The following GPC6 variants were observed in gnomAD, a reference collection of about 807,000 sequenced individuals.
GPC6 encodes the protein glypican-6.
GPC6 carries 14 observed loss-of-function variants against 55.2 expected under a neutral mutation model. The ratio of observed to expected loss-of-function variants is 0.25; its 90% CI spans 0.17 to 0.40. The LOEUF (loss-of-function observed/expected upper bound fraction) is 0.40. GPC6 is among the 10% of genes least tolerant of loss of function. The pLI is 1.00. For missense variants in GPC6, 641 were observed against 708.5 expected (o/e 0.90, Z 1.08); for synonymous variants, 278 against 259.6 (o/e 1.07, Z -0.68).
At chr13:94,296,528 A>G (rs1875343106) in intron 5 of GPC6, among the ~76,000 whole-genome samples, 1 of 152,232 alleles carries the variant, frequency 6.6e-6, no homozygotes, top group South Asian at 2.1e-4. Context: ...GTATTGTGTT[A>G]GAGAAATTTC....
At chr13:93,373,633 A>T (rs1225297640) in intron 1 of GPC6, among the ~76,000 whole-genome samples, 2 of 152,196 alleles carry the variant, frequency 1.3e-5, no homozygotes, top group African/African-American at 2.4e-5. Context: ...TAAAGCAAAA[A>T]ATATAGGTCA....
At chr13:93,837,580 A>C (rs1209913265) in intron 3 of GPC6, among the ~76,000 whole-genome samples, 1 of 152,252 alleles carries the variant, frequency 6.6e-6, no homozygotes. Flanking sequence ...TTCCTGAGAC[A>C]TGAAGACTAA....
chr13:93,770,021 T>C (rs1464921512), intron 2 of GPC6, among the ~76,000 whole-genome samples: 2 of 152,174 alleles, frequency 1.3e-5, no homozygotes, highest in African/African-American at 2.4e-5. Flanking sequence ...AGCTGTGTGC[T>C]AAAGCCTGAA....
At chr13:93,270,268 G>A (rs1217374695) in intron 1 of GPC6, among the ~76,000 whole-genome samples, 1 of 136,326 alleles carries the variant, frequency 7.3e-6, no homozygotes, top group Non-Finnish European at 1.6e-5. Flanking sequence ...AAAAAAAAAG[G>A]CCCCACATCA....
intron 5 of GPC6, among the ~76,000 whole-genome samples, chr13:94,302,228 G>GCTTCC (rs1347910618): frequency 6.6e-6 from 1 of 152,202 alleles, no homozygotes; most frequent in Non-Finnish European, 1.5e-5. Context: ...ATTTCTGGAG[G>GCTTCC]CTGGGAAGTC....
At chr13:94,002,830 A>G (rs529602562) in intron 3 of GPC6, among the ~76,000 whole-genome samples, 9 of 152,284 alleles carry the variant, frequency 5.9e-5, no homozygotes, top group African/African-American at 2.2e-4. Context: ...AGTTATCTCA[A>G]TTGAGTTGAA....
At chr13:93,941,699 C>G (rs937597717) in intron 3 of GPC6, among the ~76,000 whole-genome samples, 1 of 152,080 alleles carries the variant, frequency 6.6e-6, no homozygotes, top group Non-Finnish European at 1.5e-5. Context: ...AGATGATATG[C>G]CAATCATCCC....
intron 1 of GPC6, among the ~76,000 whole-genome samples, chr13:93,305,184 C>CTA (rs1158831016): frequency 6.6e-6 from 1 of 152,170 alleles, no homozygotes. Context: ...AGAGTCCTCT[C>CTA]TATCTGGCCT....
At chr13:94,015,785 G>A (rs1005755063) in intron 3 of GPC6, among the ~76,000 whole-genome samples, 7 of 152,146 alleles carry the variant, frequency 4.6e-5, no homozygotes, top group African/African-American at 9.6e-5. Context: ...GTCTTTGCAC[G>A]CTTGTTGAAA....
chr13:94,000,195 T>C (rs879623325), intron 3 of GPC6, among the ~76,000 whole-genome samples: 3 of 152,212 alleles, frequency 2.0e-5, no homozygotes, highest in Non-Finnish European at 4.4e-5. Context: ...ATGTAGATAG[T>C]ACGTTCCATG....
chr13:93,448,600 A>G (rs1878099197), intron 1 of GPC6, among the ~76,000 whole-genome samples: 1 of 152,214 alleles, frequency 6.6e-6, no homozygotes. Flanking sequence ...TACTAATTAA[A>G]TAAGAATATA....
chr13:93,883,299 C>T (rs1875107638), intron 3 of GPC6, among the ~76,000 whole-genome samples: 1 of 151,824 alleles, frequency 6.6e-6, no homozygotes, highest in Non-Finnish European at 1.5e-5. Flanking sequence ...CAAGTTTTCA[C>T]AGCCTTTACA....
intron 1 of GPC6, among the ~76,000 whole-genome samples, chr13:93,339,908 T>A (rs571744555): frequency 6.6e-6 from 1 of 152,242 alleles, no homozygotes; most frequent in Admixed American, 6.5e-5. Flanking sequence ...TTAAAATACC[T>A]GTGGGAAAAC....
chr13:93,654,261 A>C (rs1290083277), intron 2 of GPC6, among the ~76,000 whole-genome samples: 1 of 151,834 alleles, frequency 6.6e-6, no homozygotes. Context: ...ATTACTATTT[A>C]TTTATTTTTT....
intron 4 of GPC6, among the ~76,000 whole-genome samples, chr13:94,141,803 T>C (rs1344729465): frequency 2.0e-5 from 3 of 152,186 alleles, no homozygotes. Context: ...ATGCACTGAA[T>C]AACCAAAGGA....
At chr13:94,386,337 G>A (rs1880406060) in intron 7 of GPC6, among the ~76,000 whole-genome samples, 2 of 150,318 alleles carry the variant, frequency 1.3e-5, no homozygotes, top group South Asian at 2.1e-4. Flanking sequence ...TCCAGCCTGG[G>A]CGAGAGAGCA....
At chr13:93,479,389 A>G (rs1310301742) in intron 1 of GPC6, among the ~76,000 whole-genome samples, 1 of 152,218 alleles carries the variant, frequency 6.6e-6, no homozygotes, top group African/African-American at 2.4e-5. Flanking sequence ...AAATATCCAT[A>G]GGGAAAGCAT....
At chr13:93,612,855 G>A (rs1878543644) in intron 2 of GPC6, among the ~76,000 whole-genome samples, 2 of 152,108 alleles carry the variant, frequency 1.3e-5, no homozygotes, top group South Asian at 4.1e-4. Context: ...GAACTTGGTT[G>A]TTTATACATT....
At chr13:94,367,983 T>C (rs1879357451) in intron 6 of GPC6, among the ~76,000 whole-genome samples, 1 of 151,612 alleles carries the variant, frequency 6.6e-6, no homozygotes. Context: ...ACCCCATCTC[T>C]ACTAAAAATA....
Sources: allele counts gnomAD v4.1 joint callset (sites outside exome capture counted in the v4.1 genomes callset), GRCh38; gene constraint gnomAD v4.1.1; transcripts MANE v1.5; gene names NCBI Gene and HGNC (gene_info 2026-07-23, HGNC 2026-07-21).